Variants in FGF20 observed in about 807,000 individuals in gnomAD.
FGF20 encodes the protein fibroblast growth factor 20.
Under a neutral mutation model 16.7 loss-of-function variants are expected in FGF20, and 8 were observed. The ratio of observed to expected loss-of-function variants is 0.48; its 90% CI spans 0.28 to 0.87. FGF20 has a LOEUF of 0.87. FGF20 is among the 40% of genes least tolerant of loss of function. The pLI is 0.10. For synonymous variants in FGF20, 161 were observed against 118.6 expected, an observed-to-expected ratio of 1.36 and a Z score of -2.32; for missense variants, 397 against 281.4, an observed-to-expected ratio of 1.41 and a Z score of -2.94.
At chr8:16,998,740 T>C (rs935180845) in intron 1 of FGF20, among the ~76,000 whole-genome samples, 1 of 152,006 alleles carries the variant, frequency 6.6e-6, no homozygotes, top group African/African-American at 2.4e-5. Context: ...TAAAGAAATA[T>C]GTTTGATCTC....
chr8:17,000,890 C>G (rs1810164873), intron 1 of FGF20, among the ~76,000 whole-genome samples: 1 of 152,040 alleles, frequency 6.6e-6, no homozygotes, highest in African/African-American at 2.4e-5. Context: ...ACACGTCCGT[C>G]TGTGTTCCCA....
Position 17,002,094 on chromosome 8 carries a change from G to C in FGF20, c.-62C>G. The C allele has an allele frequency of 1.3e-5, 18 of 1,438,082 alleles. No homozygotes were observed. The highest frequency in any genetic ancestry group is 1.6e-5 in the Non-Finnish European group (18 of 1,095,740). The allele number at this position is 1,438,082 out of a possible 1,614,324, so 89.1% of individuals were successfully genotyped here. A position where few individuals can be genotyped will look rare whatever the true frequency, so the allele number is the denominator to read the frequency against. On this transcript the variant is annotated 5_prime_UTR_variant, in exon 1 of 3. Transcript: ENST00000180166. The stretch of plus-strand genomic sequence containing the variant: ...TAAAGAGTGTTGTGGGGGTGGGATG[G>C]AGGTGGATAGAGAAAAATTATAGCA...
At chr8:17,000,788 G>A (rs1420106062) in intron 1 of FGF20, among the ~76,000 whole-genome samples, 2 of 151,818 alleles carry the variant, frequency 1.3e-5, no homozygotes, top group Non-Finnish European at 2.9e-5. Context: ...AGACCCTCCC[G>A]ATCTAGTATC....
At chr8:17,000,026 C>A (rs945605850) in intron 1 of FGF20, among the ~76,000 whole-genome samples, 6 of 152,110 alleles carry the variant, frequency 3.9e-5, no homozygotes, top group South Asian at 4.1e-4. Flanking sequence ...TCCTTAAAGG[C>A]AAGAGAACTG....
At chr8:16,994,019 C>T (rs983600780) in intron 2 of FGF20, among the ~76,000 whole-genome samples, 1 of 152,252 alleles carries the variant, frequency 6.6e-6, no homozygotes, top group South Asian at 2.1e-4. Context: ...CAGACCAATA[C>T]CAGTCTATGG....
chr8:16,993,199 T>C lies in FGF20; in HGVS notation c.509A>G (p.Asn170Ser), dbSNP rs773678490. The part of the protein sequence containing the change: ...DTGRRYFVAL[N>S]KDGTPRDGAR... ...GCCATCTCTTGGAGTTCCGTCTTTG[T>C]TAAGTGCCACAAAATACCTGCGGCC... The change falls in exon 3 of 3, where the codon AAC (asparagine) becomes AGC (serine). Residue 170 changes from asparagine (N) to serine (S), a missense_variant. Coordinates refer to ENST00000180166, the MANE Select transcript of FGF20 (RefSeq NM_019851.3). 1 of 1,614,160 alleles carries C rather than the reference T, an allele frequency of 6.2e-7. No individual in the cohort carries two copies. Among genetic ancestry groups the C allele is most frequent in the Non-Finnish European group, 8.5e-7 (1 of 1,180,016 alleles).
intron 1 of FGF20, among the ~76,000 whole-genome samples, chr8:16,998,626 A>G (rs369728890): frequency 7.2e-5 from 11 of 152,292 alleles, no homozygotes; most frequent in African/African-American, 2.4e-4. Context: ...TATCACCTTC[A>G]AAGCCAGTCT....
At chr8:17,000,757 T>C (rs1394131788) in intron 1 of FGF20, among the ~76,000 whole-genome samples, 1 of 151,750 alleles carries the variant, frequency 6.6e-6, no homozygotes, top group Non-Finnish European at 1.5e-5. Flanking sequence ...ACACAGCTAG[T>C]GAGGAAGTCA....
intron 2 of FGF20, among the ~76,000 whole-genome samples, chr8:16,994,445 A>G (rs1015392867): frequency 1.3e-5 from 2 of 149,672 alleles, no homozygotes; most frequent in African/African-American, 4.9e-5. Flanking sequence ...CTTTTTTTAA[A>G]TCCAAAATAC....
At chr8:16,994,105 A>C (rs1342012698) in intron 2 of FGF20, among the ~76,000 whole-genome samples, 2 of 152,058 alleles carry the variant, frequency 1.3e-5, no homozygotes. Context: ...CAAATACCTA[A>C]AAAATATCCT....
rs763226027 is a variant in FGF20, at chr8:17,001,855, G to A, written c.178C>T (p.Leu60=). The change falls in exon 1 of 3, where the codon CTG becomes TTG. Residue 60 remains leucine (L), a synonymous_variant. Coordinates refer to ENST00000180166, the MANE Select transcript of FGF20 (RefSeq NM_019851.3). The part of the protein sequence containing the change: ...GGPGAAQLAH[L]HGILRRRQLY... ...TGCCGGCGGCGCAGGATGCCGTGCA[G>A]GTGCGCCAGCTGCGCAGCCCCCGGC... is the stretch of plus-strand genomic sequence containing the variant. 1,247 of 1,495,316 alleles carry A rather than the reference G, an allele frequency of 8.3e-4. No individual in the cohort carries two copies. The highest frequency in any genetic ancestry group is 1.0e-3 in the Non-Finnish European group (1,166 of 1,124,740). 92.6% of individuals were successfully genotyped at this position (1,495,316 alleles called of 1,614,324 possible).
rs1809942235 is a variant in FGF20 at position 16,992,685 on chromosome 8, C to G, written c.*387G>C. 6.3e-6 allele frequency: 1 copy of G among 158,584 alleles called. No homozygotes were observed. The highest frequency in any genetic ancestry group is 2.4e-5 in the African/African-American group (1 of 41,328). 9.8% of individuals were successfully genotyped at this position (158,584 alleles called of 1,614,324 possible). A position where few individuals can be genotyped will look rare whatever the true frequency, so the allele number is the denominator to read the frequency against. ...AGAATTTATGTAGCAATGCTCTTGG[C>G]TAAGTCAATCCATTTCTTCAACATG... On this transcript the variant is annotated 3_prime_UTR_variant, in exon 3 of 3. Coordinates refer to ENST00000180166, the MANE Select transcript of FGF20 (RefSeq NM_019851.3).
At chr8:16,998,071 A>C (rs1359639853) in intron 1 of FGF20, among the ~76,000 whole-genome samples, 1 of 152,192 alleles carries the variant, frequency 6.6e-6, no homozygotes. Context: ...TATGGCTTTA[A>C]TGTCCATATA....
chr8:17,001,733 A>T lies in FGF20; in HGVS notation c.286+14T>A. ...GGGCGCAGATGGGGGTGGGGTCGGG[A>T]TGCTAGTACGTACCGAAGAGGCTGT... On this transcript the variant is annotated intron_variant, in intron 1 of 2. Transcript: ENST00000180166. 1 of 1,570,902 alleles carries T rather than the reference A, an allele frequency of 6.4e-7. No individual in the cohort carries two copies. The highest frequency in any genetic ancestry group is 8.6e-7 in the Non-Finnish European group (1 of 1,161,964).
chr8:16,997,399 T>C (rs770731268), intron 1 of FGF20, among the ~76,000 whole-genome samples: 4 of 152,230 alleles, frequency 2.6e-5, no homozygotes. Context: ...TTAAGTCATT[T>C]CTTGATTTAT....
At chr8:16,998,952 T>A (rs1048448843) in intron 1 of FGF20, among the ~76,000 whole-genome samples, 1 of 152,028 alleles carries the variant, frequency 6.6e-6, no homozygotes. Context: ...AAACTGTCAC[T>A]CTGATAGCAA....
intron 1 of FGF20, 35 bp downstream of exon 1, chr8:17,001,712 G>A (rs1810188578): frequency 1.3e-6 from 2 of 1,544,574 alleles, no homozygotes; most frequent in Non-Finnish European, 8.7e-7. Flanking sequence ...GAGCTGGGGC[G>A]CAGATGGGGG....
chr8:16,996,069 G>A (rs1041995284), intron 1 of FGF20, among the ~76,000 whole-genome samples: 2 of 152,194 alleles, frequency 1.3e-5, no homozygotes, highest in African/African-American at 4.8e-5. Flanking sequence ...ACCCTTTGCA[G>A]CGGGGAGGAG....
At chr8:16,998,658 G>C (rs959638974) in intron 1 of FGF20, among the ~76,000 whole-genome samples, 13 of 152,044 alleles carry the variant, frequency 8.6e-5, no homozygotes, top group Admixed American at 6.5e-4. Context: ...ATAATAAACA[G>C]GTGAGTCAAC....
Sources: gnomAD v4.1 joint callset for allele counts (sites outside exome capture counted in the v4.1 genomes callset) on GRCh38, gnomAD v4.1.1 for gene constraint, MANE v1.5 for transcripts, NCBI Gene and HGNC (gene_info 2026-07-23, HGNC 2026-07-21) for gene names.